Variants in NPC1 observed in about 807,000 individuals in gnomAD.
NPC1 encodes the protein Niemann-Pick C1 protein.
A neutral mutation model predicts 140.4 loss-of-function variants in NPC1; 85 were observed. The observed-to-expected ratio is 0.61, with a 90% CI of 0.51 to 0.72. The LOEUF is 0.72. Among genes scored for constraint, NPC1 ranks in the 30% least tolerant of loss-of-function variants. NPC1 has a pLI of 0.00. For missense variants in NPC1, 1,504 were observed against 1,623.8 expected (o/e 0.93, Z 1.27); for synonymous variants, 656 against 624.8 (o/e 1.05, Z -0.74).
chr18:23,581,700 T>C (rs2059357548), intron 1 of NPC1, among the ~76,000 whole-genome samples: 1 of 152,040 alleles, frequency 6.6e-6, no homozygotes, highest in Non-Finnish European at 1.5e-5. Flanking sequence ...TACCATAAAA[T>C]TCACCCTTTT....
At chr18:23,532,685 G>A (rs185336753) in intron 24 of NPC1, among the ~76,000 whole-genome samples, 5 of 137,694 alleles carry the variant, frequency 3.6e-5, no homozygotes, top group African/African-American at 1.4e-4. Context: ...GCCTTCCAAA[G>A]TGCTCATCTC....
chr18:23,519,758 A>AT (rs1257825063), downstream of NPC1, among the ~76,000 whole-genome samples: 3 of 152,138 alleles, frequency 2.0e-5, no homozygotes, highest in Non-Finnish European at 2.9e-5. Flanking sequence ...CTCTGTTGCA[A>AT]TTGTGAGCAT....
At chr18:23,510,786 C>T (rs1326873591) in intron 3 of NPC1, among the ~76,000 whole-genome samples, 1 of 152,236 alleles carries the variant, frequency 6.6e-6, no homozygotes, top group African/African-American at 2.4e-5. Context: ...AACTATCTCA[C>T]ACTAGTCAGC....
chr18:23,576,488 T>C, intron 1 of NPC1: 1 of 986,764 alleles, frequency 1.0e-6, no homozygotes, highest in African/African-American at 1.7e-5. Flanking sequence ...TACAAAGCAC[T>C]GGCGGTGTCC....
intron 3 of NPC1, among the ~76,000 whole-genome samples, 187 bp from the exon 4 acceptor site, chr18:23,569,185 GC>G (rs1380659567): frequency 1.3e-5 from 2 of 152,162 alleles, no homozygotes; most frequent in Non-Finnish European, 2.9e-5. Context: ...TTTAAAAAAT[GC>G]CCTAATTACT....
At chr18:23,528,705 C>G (rs1242487473), downstream of NPC1, 1 of 154,906 alleles carries the variant, frequency 6.5e-6, no homozygotes, top group Non-Finnish European at 1.4e-5. Flanking sequence ...ATCAGTAGGT[C>G]TGATCCCAAA....
downstream of NPC1, among the ~76,000 whole-genome samples, chr18:23,518,253 G>C (rs2058059744): frequency 6.6e-6 from 1 of 152,214 alleles, no homozygotes; most frequent in Admixed American, 6.5e-5. Flanking sequence ...GACTGGGGAG[G>C]CCAAGGCAGG....
chr18:23,552,830 CCA>C (rs2058892997), intron 9 of NPC1, among the ~76,000 whole-genome samples: 1 of 152,206 alleles, frequency 6.6e-6, no homozygotes, highest in Non-Finnish European at 1.5e-5. Context: ...GAGAGAGCAT[CCA>C]GAGGCTCAGA....
At chr18:23,571,364 A>T (rs1422093967) in intron 3 of NPC1, among the ~76,000 whole-genome samples, 2 of 152,084 alleles carry the variant, frequency 1.3e-5, no homozygotes, top group African/African-American at 4.8e-5. Context: ...AGAAAAAAAT[A>T]AAAATTAGGC....
intron 3 of NPC1, among the ~76,000 whole-genome samples, chr18:23,516,781 A>G (rs1184825834): frequency 6.8e-6 from 1 of 146,740 alleles, no homozygotes; most frequent in Admixed American, 6.9e-5. Flanking sequence ...GCTGGAGTGC[A>G]GTGGTGCAGT....
chr18:23,578,880 T>C (rs983322870), intron 1 of NPC1, among the ~76,000 whole-genome samples: 1 of 152,182 alleles, frequency 6.6e-6, no homozygotes, highest in African/African-American at 2.4e-5. Flanking sequence ...TATCGCTCAC[T>C]CCCAGGGAGG....
chr18:23,549,014 A>G (rs2058829300), intron 10 of NPC1, among the ~76,000 whole-genome samples: 1 of 152,098 alleles, frequency 6.6e-6, no homozygotes, highest in Non-Finnish European at 1.5e-5. Context: ...GACTTGAACT[A>G]CTGGGCTCAA....
chr18:23,577,523 G>A (rs2059301906), intron 1 of NPC1, among the ~76,000 whole-genome samples: 1 of 152,162 alleles, frequency 6.6e-6, no homozygotes, highest in African/African-American at 2.4e-5. Flanking sequence ...TAGATATAAA[G>A]ACTCTCCACG....
intron 1 of NPC1, among the ~76,000 whole-genome samples, chr18:23,580,246 T>C (rs922289337): frequency 1.3e-5 from 2 of 152,146 alleles, no homozygotes; most frequent in African/African-American, 4.8e-5. Flanking sequence ...TAACATGATT[T>C]TGAACACCAA....
At chr18:23,536,013 C>CA (rs2058625165) in intron 21 of NPC1, among the ~76,000 whole-genome samples, 1 of 151,792 alleles carries the variant, frequency 6.6e-6, no homozygotes. Context: ...CACAAAAAAA[C>CA]AAAGAATCCT....
At chr18:23,564,857 T>C (rs1452042736) in intron 4 of NPC1, among the ~76,000 whole-genome samples, 1 of 152,208 alleles carries the variant, frequency 6.6e-6, no homozygotes, top group East Asian at 1.9e-4. Context: ...TGGTGTGAAG[T>C]AGGGCCCAAT....
In NPC1 at chr18:23,556,568, C is replaced by A; in HGVS notation, c.1001G>T (p.Cys334Phe). 6.2e-7 allele frequency: 1 copy of A among 1,614,138 alleles called. No individual in the cohort carries two copies. Among genetic ancestry groups the A allele is most frequent in the Non-Finnish European group, 8.5e-7 (1 of 1,180,026 alleles). The stretch of plus-strand genomic sequence containing the variant: ...CCAGCGTGTGAACAGCCGCCTCAAG[C>A]AGCCCTCAAATGCTGCGCTGACAGG... Reference protein sequence around the residue: ...CDPVSAAFEGCLRRLFTRWGS... With the variant: ...CDPVSAAFEGFLRRLFTRWGS... The change falls in exon 8 of 25, where the codon TGC becomes TTC. Residue 334 changes from cysteine (C) to phenylalanine (F), a missense_variant. Transcript: ENST00000269228.
At chr18:23,524,624 A>C, downstream of NPC1, 1 of 752,652 alleles carries the variant, frequency 1.3e-6, no homozygotes, top group Non-Finnish European at 2.2e-6. Context: ...TTTTTTTTTC[A>C]CTTTATACGT....
At chr18:23,578,534 C>T (rs544996580) in intron 1 of NPC1, among the ~76,000 whole-genome samples, 2 of 152,306 alleles carry the variant, frequency 1.3e-5, no homozygotes, top group South Asian at 4.1e-4. Context: ...AGCCTCCTGG[C>T]CCCCAGGCCT....
Sources: gnomAD v4.1 joint callset for allele counts (sites outside exome capture counted in the v4.1 genomes callset) on GRCh38, gnomAD v4.1.1 for gene constraint, MANE v1.5 for transcripts, NCBI Gene and HGNC (gene_info 2026-07-23, HGNC 2026-07-21) for gene names.